KCNIP1: variants seen among roughly 807,000 people sequenced by gnomAD.
KCNIP1 encodes potassium voltage-gated channel interacting protein 1.
Under a neutral mutation model 33.0 loss-of-function variants are expected in KCNIP1, and 18 were observed. The observed-to-expected ratio is 0.55, with a 90% CI of 0.38 to 0.81. The LOEUF is 0.81. Among genes scored for constraint, KCNIP1 ranks in the 30% least tolerant of loss-of-function variants. The pLI is 0.00. For synonymous variants in KCNIP1, 93 were observed against 98.3 expected, an observed-to-expected ratio of 0.95 and a Z score of 0.32; for missense variants, 238 against 271.6, an observed-to-expected ratio of 0.88 and a Z score of 0.87.
At chr5:170,449,164 C>A (rs974856972) in intron 1 of KCNIP1, among the ~76,000 whole-genome samples, 1 of 152,224 alleles carries the variant, frequency 6.6e-6, no homozygotes, top group Non-Finnish European at 1.5e-5. Context: ...TTCATTCATT[C>A]ATTCTCCATT....
At chr5:170,709,768 T>C (rs1276084919) in intron 1 of KCNIP1, among the ~76,000 whole-genome samples, 2 of 152,208 alleles carry the variant, frequency 1.3e-5, no homozygotes, top group Non-Finnish European at 2.9e-5. Context: ...TTCATTATCA[T>C]TATTTATCTC....
chr5:170,654,420 A>G (rs1406748441), intron 1 of KCNIP1, among the ~76,000 whole-genome samples: 1 of 152,234 alleles, frequency 6.6e-6, no homozygotes, highest in Admixed American at 6.5e-5. Flanking sequence ...GTACTATTCT[A>G]GTCACAATAA....
intron 1 of KCNIP1, among the ~76,000 whole-genome samples, chr5:170,597,415 G>A (rs553761329): frequency 5.9e-5 from 9 of 152,172 alleles, no homozygotes; most frequent in South Asian, 2.1e-4. Context: ...TTTCCTGAGC[G>A]CTCTCCCTTT....
chr5:170,724,189 G>A (rs1022633703), intron 5 of KCNIP1, among the ~76,000 whole-genome samples: 1 of 152,168 alleles, frequency 6.6e-6, no homozygotes, highest in African/African-American at 2.4e-5. Context: ...TATAGGCCCA[G>A]ATGGTGGACT....
intron 1 of KCNIP1, chr5:170,383,524 C>T: frequency 1.2e-6 from 1 of 820,742 alleles, no homozygotes; most frequent in South Asian, 1.6e-5. Context: ...GTGACTCCAA[C>T]ACAGAAGAGC....
At chr5:170,664,238 G>C (rs539741104) in intron 1 of KCNIP1, among the ~76,000 whole-genome samples, 8 of 152,088 alleles carry the variant, frequency 5.3e-5, no homozygotes, top group Non-Finnish European at 1.2e-4. Flanking sequence ...TGAACAGCTC[G>C]GTTTCTCTTC....
At chr5:170,491,725 A>G (rs1370218870) in intron 1 of KCNIP1, among the ~76,000 whole-genome samples, 2 of 152,182 alleles carry the variant, frequency 1.3e-5, no homozygotes, top group East Asian at 3.9e-4. Flanking sequence ...GTGCATCTAG[A>G]CCTACAGGGG....
At chr5:170,658,360 A>T (rs1047565923) in intron 1 of KCNIP1, among the ~76,000 whole-genome samples, 1 of 152,180 alleles carries the variant, frequency 6.6e-6, no homozygotes, top group African/African-American at 2.4e-5. Flanking sequence ...GGCTGAGTGC[A>T]CTAGCTCAGG....
At chr5:170,689,973 T>C (rs1404039410) in intron 1 of KCNIP1, among the ~76,000 whole-genome samples, 1 of 152,192 alleles carries the variant, frequency 6.6e-6, no homozygotes, top group African/African-American at 2.4e-5. Flanking sequence ...ACCCTTCTTT[T>C]GTATGCAAGG....
At chr5:170,568,773 A>G (rs1757293741) in intron 1 of KCNIP1, among the ~76,000 whole-genome samples, 1 of 151,668 alleles carries the variant, frequency 6.6e-6, no homozygotes, top group Admixed American at 6.6e-5. Flanking sequence ...CAGTGAGCCA[A>G]GATCACACCA....
intron 1 of KCNIP1, among the ~76,000 whole-genome samples, chr5:170,659,802 CA>C (rs1375338140): frequency 2.0e-5 from 3 of 152,134 alleles, no homozygotes; most frequent in Non-Finnish European, 1.5e-5. Context: ...TAGGCGGGTG[CA>C]AAAGTAATTG....
At chr5:170,646,647 G>T (rs1760799617) in intron 1 of KCNIP1, among the ~76,000 whole-genome samples, 1 of 152,126 alleles carries the variant, frequency 6.6e-6, no homozygotes, top group African/African-American at 2.4e-5. Context: ...ACTTAATGGT[G>T]AGAAACTAGA....
chr5:170,357,299 T>C (rs1348293008), intron 1 of KCNIP1, among the ~76,000 whole-genome samples: 1 of 152,158 alleles, frequency 6.6e-6, no homozygotes, highest in Non-Finnish European at 1.5e-5. Flanking sequence ...ATACCCTTCT[T>C]ATGGGGTTGA....
chr5:170,685,582 G>A (rs1212307729), intron 1 of KCNIP1, among the ~76,000 whole-genome samples: 12 of 151,910 alleles, frequency 7.9e-5, no homozygotes, highest in East Asian at 3.9e-4. Flanking sequence ...TCTGCCTCCC[G>A]GGTTTAAGCG....
At chr5:170,591,828 T>C (rs917417546) in intron 1 of KCNIP1, among the ~76,000 whole-genome samples, 7 of 152,232 alleles carry the variant, frequency 4.6e-5, no homozygotes, top group African/African-American at 1.7e-4. Context: ...CCACACTTTG[T>C]TTATCCATTC....
At chr5:170,488,437 G>C (rs903875416) in intron 1 of KCNIP1, among the ~76,000 whole-genome samples, 12 of 152,148 alleles carry the variant, frequency 7.9e-5, no homozygotes, top group African/African-American at 2.9e-4. Flanking sequence ...CTTCCTTCAA[G>C]GGTTTTCCAT....
At chr5:170,560,457 T>A (rs1352739375) in intron 1 of KCNIP1, among the ~76,000 whole-genome samples, 1 of 152,038 alleles carries the variant, frequency 6.6e-6, no homozygotes, top group Non-Finnish European at 1.5e-5. Flanking sequence ...CTTGAGCCTC[T>A]CACCTCGTGA....
At chr5:170,526,564 C>T (rs896912524) in intron 1 of KCNIP1, among the ~76,000 whole-genome samples, 1 of 152,072 alleles carries the variant, frequency 6.6e-6, no homozygotes, top group African/African-American at 2.4e-5. Flanking sequence ...ATTTGCTGGA[C>T]TTGGGGAGTC....
intron 1 of KCNIP1, among the ~76,000 whole-genome samples, chr5:170,441,356 C>G (rs1005375327): frequency 6.6e-6 from 1 of 152,122 alleles, no homozygotes; most frequent in East Asian, 1.9e-4. Context: ...GAGTGTGGAA[C>G]AAACGAGACC....
Sources: allele counts gnomAD v4.1 joint callset (sites outside exome capture counted in the v4.1 genomes callset), GRCh38; gene constraint gnomAD v4.1.1; transcripts MANE v1.5; gene names NCBI Gene and HGNC (gene_info 2026-07-23, HGNC 2026-07-21).